STX3: variants seen among roughly 807,000 people sequenced by gnomAD.
STX3 encodes the protein syntaxin 3, also known as syntaxin-3.
STX3 carries 19 observed loss-of-function variants against 40.2 expected under a neutral mutation model. The observed-to-expected ratio is 0.47, with a 90% CI of 0.33 to 0.69. The LOEUF (loss-of-function observed/expected upper bound fraction) is 0.69, where lower values mean the gene tolerates loss of function less well. Ranked by LOEUF, STX3 falls within the 30% of genes least tolerant of loss-of-function variation. STX3 has a pLI of 0.02. For synonymous variants in STX3, 122 were observed against 132.2 expected (o/e 0.92, Z 0.53); for missense variants, 364 against 366.7 (o/e 0.99, Z 0.06).
intron 1 of STX3, among the ~76,000 whole-genome samples, chr11:59,770,084 G>T (rs1403526978): frequency 3.4e-5 from 5 of 148,342 alleles, no homozygotes; most frequent in Admixed American, 6.7e-5. Flanking sequence ...GTGGGTGTTG[G>T]GTGTTTGTGT....
At chr11:59,763,170 T>G (rs1023535458) in intron 1 of STX3, among the ~76,000 whole-genome samples, 1 of 152,232 alleles carries the variant, frequency 6.6e-6, no homozygotes, top group African/African-American at 2.4e-5. Flanking sequence ...TGGAACATTG[T>G]GGCTGTGCTG....
chr11:59,769,111 G>A (rs1863423931), intron 1 of STX3, among the ~76,000 whole-genome samples: 1 of 152,160 alleles, frequency 6.6e-6, no homozygotes, highest in African/African-American at 2.4e-5. Context: ...TGGATACTTA[G>A]GTTGATTCCA....
At chr11:59,767,677 G>T (rs1863345878) in intron 1 of STX3, among the ~76,000 whole-genome samples, 1 of 152,150 alleles carries the variant, frequency 6.6e-6, no homozygotes, top group Non-Finnish European at 1.5e-5. Context: ...TTGTTATTTT[G>T]TATTTTTGGA....
At chr11:59,770,779 A>T (rs753561288) in intron 1 of STX3, among the ~76,000 whole-genome samples, 9 of 152,204 alleles carry the variant, frequency 5.9e-5, no homozygotes, top group Non-Finnish European at 1.0e-4. Context: ...TACAGTGCTC[A>T]GTTTTAATTG....
chr11:59,775,291 T>A (rs1863901979), intron 2 of STX3, among the ~76,000 whole-genome samples: 1 of 152,168 alleles, frequency 6.6e-6, no homozygotes, highest in Admixed American at 6.5e-5. Context: ...CACTTAGGCT[T>A]TGTGAGTCCA....
In STX3 at chr11:59,804,766, A is replaced by G. The variant is rs1866015192; in HGVS notation, c.*3942A>G. 6.6e-6 allele frequency: 1 copy of G among 152,256 alleles called. No homozygotes were observed. Among genetic ancestry groups the G allele is most frequent in the South Asian group, 2.1e-4 (1 of 4,836 alleles). The allele number at this position is 152,256 out of a possible 1,614,324, so 9.4% of individuals were successfully genotyped here. A position where few individuals can be genotyped will look rare whatever the true frequency, so the allele number is the denominator to read the frequency against. On this transcript the variant is annotated 3_prime_UTR_variant, in exon 11 of 11. Transcript: ENST00000337979. ...TATAGCATGACTGAACTCACACATC[A>G]GTAGAACACTCTGTGAACCATAACA...
At chr11:59,781,218 A>G (rs1864360677) in intron 2 of STX3, 1 of 729,220 alleles carries the variant, frequency 1.4e-6, no homozygotes, top group Non-Finnish European at 2.2e-6. Context: ...CACAGTAATG[A>G]AAAAAAAAAG....
intron 1 of STX3, among the ~76,000 whole-genome samples, chr11:59,770,486 A>G (rs921619535): frequency 3.3e-5 from 5 of 151,618 alleles, no homozygotes; most frequent in Non-Finnish European, 5.9e-5. Context: ...AAGAAAGGAT[A>G]CTCCCTAAAA....
chr11:59,788,808 C>A, intron 3 of STX3, 65 bp from the exon 4 acceptor site: 1 of 1,401,280 alleles, frequency 7.1e-7, no homozygotes, highest in Non-Finnish European at 1.0e-6. Flanking sequence ...ATGATGATTG[C>A]TGTAGTTCAC....
Position 59,801,309 on chromosome 11 carries a change from C to G in STX3, c.*485C>G. On this transcript the variant is annotated 3_prime_UTR_variant, in exon 11 of 11. Coordinates refer to ENST00000337979, the MANE Select transcript of STX3 (RefSeq NM_004177.5). ...GAAGGCTTGGATCTGAGTCTTCTAC[C>G]TGGCAGGATGCCAATCCTGTTTGTT... The G allele has an allele frequency of 1.0e-6, 1 of 996,258 alleles. No individual in the cohort carries two copies. The highest frequency in any genetic ancestry group is 1.2e-6 in the Non-Finnish European group (1 of 836,340). 61.7% of individuals were successfully genotyped at this position (996,258 alleles called of 1,614,324 possible).
intron 1 of STX3, among the ~76,000 whole-genome samples, chr11:59,756,040 C>T (rs1006537783): frequency 6.6e-6 from 1 of 152,190 alleles, no homozygotes; most frequent in Non-Finnish European, 1.5e-5. Flanking sequence ...CCTGGCTGCC[C>T]CTTCCCCCAG....
chr11:59,781,436 A>G (rs1004090180), intron 2 of STX3: 1 of 1,611,228 alleles, frequency 6.2e-7, no homozygotes, highest in Admixed American at 1.7e-5. Flanking sequence ...CCTGATGCTG[A>G]ACCAATGCAC....
chr11:59,769,550 T>A (rs1215247711), intron 1 of STX3, among the ~76,000 whole-genome samples: 3 of 152,146 alleles, frequency 2.0e-5, no homozygotes, highest in Non-Finnish European at 4.4e-5. Context: ...AGGTTTCTCT[T>A]TGCCCGTTTC....
At chr11:59,768,674 A>C (rs983268009) in intron 1 of STX3, among the ~76,000 whole-genome samples, 4 of 152,116 alleles carry the variant, frequency 2.6e-5, no homozygotes, top group Non-Finnish European at 4.4e-5. Flanking sequence ...TCAGCTTCCA[A>C]AGGGTTATGA....
chr11:59,795,761 A>G (rs1865484116), intron 9 of STX3: 9 of 1,490,002 alleles, frequency 6.0e-6, no homozygotes, highest in Non-Finnish European at 7.2e-6. Context: ...TCTTACTAGT[A>G]TCTCTTCTCC....
chr11:59,789,290 C>T (rs1001985856), intron 4 of STX3: 2 of 228,072 alleles, frequency 8.8e-6, no homozygotes, highest in Non-Finnish European at 8.7e-6. Context: ...ACTCTGTCCC[C>T]CAGGCTGGAG....
rs530780090 is a variant in STX3 at position 59,755,755 on chromosome 11, C to T, written c.30+120C>T. The T allele has an allele frequency of 1.6e-4, 213 of 1,329,890 alleles. No homozygotes were observed. The African/African-American group carries it at 3.0e-3, about 19-fold the overall frequency. The allele number at this position is 1,329,890 out of a possible 1,614,324, so 82.4% of individuals were successfully genotyped here. A position where few individuals can be genotyped will look rare whatever the true frequency, so the allele number is the denominator to read the frequency against. ...GAGCCGGAGGCTTGCCCTCCCCAAGCCCCCACCGCTTCCCGCGCCGGTTCC... is the reference window on the plus strand; with the variant it reads ...GAGCCGGAGGCTTGCCCTCCCCAAGTCCCCACCGCTTCCCGCGCCGGTTCC... On this transcript the variant is annotated intron_variant, in intron 1 of 10. Coordinates refer to ENST00000337979, the MANE Select transcript of STX3 (RefSeq NM_004177.5).
Position 59,801,090 on chromosome 11 carries a change from T to A in STX3, c.*266T>A. On this transcript the variant is annotated 3_prime_UTR_variant, in exon 11 of 11. Transcript: ENST00000337979. ...CTCTCAAGTACCTTTTCTCCTGGAC[T>A]GTGTGGACCCACCCAGCTTTCTTCC... 2.1e-6 allele frequency: 3 copies of A among 1,409,122 alleles called. No individual in the cohort carries two copies. Among genetic ancestry groups the A allele is most frequent in the Non-Finnish European group, 2.8e-6 (3 of 1,083,294 alleles). The allele number at this position is 1,409,122 out of a possible 1,614,324, so 87.3% of individuals were successfully genotyped here.
chr11:59,795,396 T>C lies in STX3; in HGVS notation c.700T>C (p.Leu234=). The part of the protein sequence containing the change: ...NQGEMLDNIE[L]NVMHTVDHVE... ...GGGTGAGATGTTAGATAACATAGAG[T>C]TGAATGTCATGCACACAGTGGACCA... Residue 234 remains leucine (L), a synonymous_variant, in exon 9 of 11, where the codon TTG becomes CTG. Coordinates refer to ENST00000337979, the MANE Select transcript of STX3 (RefSeq NM_004177.5). The C allele has an allele frequency of 6.2e-7, 1 of 1,613,288 alleles. No homozygotes were observed. Among genetic ancestry groups the C allele is most frequent in the East Asian group, 2.2e-5 (1 of 44,872 alleles).
Sources: allele counts gnomAD v4.1 joint callset (sites outside exome capture counted in the v4.1 genomes callset), GRCh38; gene constraint gnomAD v4.1.1; transcripts MANE v1.5; gene names NCBI Gene and HGNC (gene_info 2026-07-23, HGNC 2026-07-21).